The following CHKB variants were observed in gnomAD, a reference collection of about 807,000 sequenced individuals.
CHKB encodes the protein choline/ethanolamine kinase.
Under a neutral mutation model 57.3 loss-of-function variants are expected in CHKB, and 45 were observed. The observed-to-expected ratio is 0.79, with a 90% confidence interval of 0.62 to 1.01. The LOEUF (loss-of-function observed/expected upper bound fraction) is 1.01, where lower values mean the gene tolerates loss of function less well. CHKB is among the 50% of genes least tolerant of loss of function. The pLI, the probability that CHKB is intolerant of heterozygous loss-of-function variation, is 0.00. For missense variants in CHKB, 517 were observed against 502.8 expected (o/e 1.03, Z -0.27); for synonymous variants, 224 against 201.8 (o/e 1.11, Z -0.93).
At position 50,580,289 on chromosome 22, in the gene CHKB, G is replaced by A. The variant is rs766710559; in HGVS notation, c.737-18C>T. The A allele has an allele frequency of 6.2e-7, 1 of 1,613,976 alleles. No homozygotes were observed. The highest frequency in any genetic ancestry group is 8.5e-7 in the Non-Finnish European group (1 of 1,179,998). On this transcript the variant is annotated intron_variant, in intron 6 of 10. Coordinates refer to ENST00000406938, the MANE Select transcript of CHKB (RefSeq NM_005198.5). ...GATGTTCCCTGGGGGAATGGGGTGAGGTTCTGCTCACTCCAGAGCCCTCTG... is the reference window on the plus strand; with the variant it reads ...GATGTTCCCTGGGGGAATGGGGTGAAGTTCTGCTCACTCCAGAGCCCTCTG...
At chr22:50,580,301 T>C in intron 6 of CHKB, 30 bp from the exon 7 acceptor site, 1 of 1,612,788 alleles carries the variant, frequency 6.2e-7, no homozygotes, top group Non-Finnish European at 8.5e-7. Flanking sequence ...TTCTGCTCAC[T>C]CCAGAGCCCT....
Position 50,580,339 on chromosome 22 carries a change from C to T in CHKB, c.736+19G>A, listed in dbSNP as rs1463630444. ...GGCTCTTCCATCTTGGGTTAGGAGA[C>T]TCAGATGCCTTCTCCTACCTTCCTG... On this transcript the variant is annotated intron_variant, in intron 6 of 10. Coordinates refer to ENST00000406938, the MANE Select transcript of CHKB (RefSeq NM_005198.5). 6.2e-7 allele frequency: 1 copy of T among 1,613,970 alleles called. No homozygotes were observed. The highest frequency in any genetic ancestry group is 1.7e-5 in the Admixed American group (1 of 60,018).
intron 5 of CHKB, 70 bp from the exon 6 acceptor site, chr22:50,580,486 C>T: frequency 1.9e-6 from 3 of 1,608,216 alleles, no homozygotes; most frequent in Non-Finnish European, 2.6e-6. Flanking sequence ...CCCTAACAGG[C>T]CAGGCCCTGA....
Position 50,582,614 on chromosome 22 carries a change from G to C in CHKB, c.168C>G (p.Tyr56Ter), listed in dbSNP as rs764013683. 1 of 1,611,196 alleles carries C rather than the reference G, an allele frequency of 6.2e-7. No homozygotes were observed. Among genetic ancestry groups the C allele is most frequent in the East Asian group, 2.2e-5 (1 of 44,814 alleles). The change falls in exon 1 of 11, where the codon TAC becomes TAG. Residue 56 changes from tyrosine to a stop codon, truncating the protein, a stop_gained. Coordinates refer to ENST00000406938, the MANE Select transcript of CHKB (RefSeq NM_005198.5). LOFTEE classifies it high-confidence loss of function. ...ERRAYQWCRE[Y>*]LGGAWRRVQP... is the part of the protein sequence containing the mutation. The stretch of plus-strand genomic sequence containing the variant: ...GCACTCGGCGCCAGGCCCCGCCCAA[G>C]TACTCCCGGCACCATTGGTAGGCTC...
Position 50,580,028 on chromosome 22 carries a change from C to T in CHKB, c.873G>A (p.Glu291=). Residue 291 remains glutamate, a synonymous_variant, in exon 8 of 11, where the codon GAG becomes GAA. Transcript: ENST00000406938. ...FCEWVYDYTH[E]EWPFYKARPT... Reference sequence around the variant, plus strand: ...GCCTTGCTTTGTAGAAAGGCCATTCCTCGTGAGTATAATCATAAACCCACT... The same window carrying T: ...GCCTTGCTTTGTAGAAAGGCCATTCTTCGTGAGTATAATCATAAACCCACT... 2 of 1,614,024 alleles carry T rather than the reference C, an allele frequency of 1.2e-6. No homozygotes were observed. Among genetic ancestry groups the T allele is most frequent in the South Asian group, 2.2e-5 (2 of 91,078 alleles).
Position 50,579,417 on chromosome 22 carries a change from G to A in CHKB, c.1113+9C>T, listed in dbSNP as rs775915876. On this transcript the variant is annotated intron_variant, in intron 10 of 10. Coordinates refer to ENST00000406938, the MANE Select transcript of CHKB (RefSeq NM_005198.5). ...CCCAGCTAGCATTCCCATCCCCAGG[G>A]TCACTTACCAAGTAACCAAATTCTA... 2 of 1,612,008 alleles carry A rather than the reference G, an allele frequency of 1.2e-6. No individual in the cohort carries two copies. The highest frequency in any genetic ancestry group is 2.2e-5 in the East Asian group (1 of 44,824).
Position 50,582,727 on chromosome 22 carries a change from C to G in CHKB, c.55G>C (p.Ala19Pro), listed in dbSNP as rs1317692402. 1.9e-6 allele frequency: 3 copies of G among 1,604,452 alleles called. No homozygotes were observed. Among genetic ancestry groups the G allele is most frequent in the Non-Finnish European group, 1.7e-6 (2 of 1,176,658 alleles). The part of the protein sequence containing the change: ...AGSGAVGGCL[A>P]KDGLQQSKCP... ...TTAGACTGCTGCAAGCCGTCTTTGG[C>G]CAGGCAGCCGCCAACAGCCCCGCTT... is the stretch of plus-strand genomic sequence containing the variant. Residue 19 changes from alanine to proline, a missense_variant, in exon 1 of 11, where the codon GCC becomes CCC. Physicochemically the swap from Ala to Pro is conservative, Grantham distance 27. Coordinates refer to ENST00000406938, the MANE Select transcript of CHKB (RefSeq NM_005198.5).
intron 3 of CHKB, 32 bp downstream of exon 3, chr22:50,581,716 CT>C: frequency 6.2e-7 from 1 of 1,600,254 alleles, no homozygotes; most frequent in Non-Finnish European, 8.6e-7. Flanking sequence ...GTGGAGGTGC[CT>C]TGGGGAGGAG....
In CHKB at chr22:50,582,357, G is replaced by T. The variant is rs746545584; in HGVS notation, c.225C>A (p.Ser75Arg). 6.4e-7 allele frequency: 1 copy of T among 1,554,382 alleles called. No homozygotes were observed. Among genetic ancestry groups the T allele is most frequent in the Non-Finnish European group, 8.7e-7 (1 of 1,151,648 alleles). ...GGAAGAGCAGGTTGCTGAGGCCTCC[G>T]CTGCAGACCCACACCAGGCGCGCTC... ...QPEELRVYPV[S>R]GGLSNLLFRC... Residue 75 changes from serine to arginine, a missense_variant and splice_region_variant, in exon 2 of 11, where the codon AGC becomes AGA. Ser to Arg is a moderately radical substitution (Grantham distance 110, BLOSUM62 -1). Transcript: ENST00000406938.
chr22:50,581,125 CAG>C (rs1254613641), intron 4 of CHKB, among the ~76,000 whole-genome samples: 1 of 150,756 alleles, frequency 6.6e-6, no homozygotes, highest in South Asian at 2.1e-4. Flanking sequence ...TGTTTTGAGA[CAG>C]AGTCTTGCTC....
intron 1 of CHKB, 70 bp downstream of exon 1, chr22:50,582,487 AT>A (rs1291624350): frequency 6.6e-7 from 1 of 1,512,304 alleles, no homozygotes; most frequent in Non-Finnish European, 8.9e-7. Context: ...AACATGGAGC[AT>A]CCTGAGGGCC....
intron 1 of CHKB, 73 bp downstream of exon 1, chr22:50,582,485 G>T: frequency 6.7e-7 from 1 of 1,501,650 alleles, no homozygotes; most frequent in Non-Finnish European, 9.0e-7. Context: ...AAAACATGGA[G>T]CATCCTGAGG....
In CHKB at chr22:50,579,024, A is replaced by G; in HGVS notation, c.*157T>C. On this transcript the variant is annotated 3_prime_UTR_variant, in exon 11 of 11. Coordinates refer to ENST00000406938, the MANE Select transcript of CHKB (RefSeq NM_005198.5). ...AGCACGGGGCTCTGGCCTGCCAGCC[A>G]TGGGGACCTACTCAAACTCAGGAAC... The G allele has an allele frequency of 1.4e-6, 1 of 726,880 alleles. No individual in the cohort carries two copies. The highest frequency in any genetic ancestry group is 1.5e-5 in the South Asian group (1 of 65,166). The allele number at this position is 726,880 out of a possible 1,614,324, so 45.0% of individuals were successfully genotyped here.
At chr22:50,581,355 A>C (rs1045842695) in intron 4 of CHKB, 65 bp downstream of exon 4, 48 of 1,599,660 alleles carry the variant, frequency 3.0e-5, no homozygotes, top group Non-Finnish European at 4.1e-5. Flanking sequence ...AGAGCCCCCG[A>C]CACATCCGCT....
Position 50,580,180 on chromosome 22 carries a change from C to A in CHKB, c.818+10G>T. On this transcript the variant is annotated intron_variant, in intron 7 of 10. Coordinates refer to ENST00000406938, the MANE Select transcript of CHKB (RefSeq NM_005198.5). ...AACAGATCTATGGGAAGCCATCTTT[C>A]CAGCCTCACCTATAGTTATAACTGC... The A allele has an allele frequency of 6.2e-7, 1 of 1,613,800 alleles. No homozygotes were observed.
chr22:50,580,290 G>A lies in CHKB; in HGVS notation c.737-19C>T. 1.9e-6 allele frequency: 3 copies of A among 1,613,602 alleles called. No homozygotes were observed. The highest frequency in any genetic ancestry group is 2.5e-6 in the Non-Finnish European group (3 of 1,179,666). ...ATGTTCCCTGGGGGAATGGGGTGAG[G>A]TTCTGCTCACTCCAGAGCCCTCTGG... On this transcript the variant is annotated intron_variant, in intron 6 of 10. Transcript: ENST00000406938.
intron 1 of CHKB, 45 bp downstream of exon 1, chr22:50,582,513 T>A: frequency 1.9e-6 from 3 of 1,567,472 alleles, no homozygotes; most frequent in Non-Finnish European, 2.6e-6. Context: ...GGCTGACCCC[T>A]GACCCCGATC....
At position 50,582,799 on chromosome 22, in the gene CHKB, G is replaced by T. The variant is rs764836662; in HGVS notation, c.-18C>A. The T allele has an allele frequency of 1.9e-6, 3 of 1,548,006 alleles. No individual in the cohort carries two copies. Among genetic ancestry groups the T allele is most frequent in the Non-Finnish European group, 1.7e-6 (2 of 1,148,728 alleles). ...GCCGCCATGGCGCGGGCTCGACCGGGCCCCAGGCCAGGCTGCGCTCCGCTC... is the reference window on the plus strand; with the variant it reads ...GCCGCCATGGCGCGGGCTCGACCGGTCCCCAGGCCAGGCTGCGCTCCGCTC... On this transcript the variant is annotated 5_prime_UTR_variant, in exon 1 of 11. Transcript: ENST00000406938.
intron 4 of CHKB, 25 bp from the exon 5 acceptor site, chr22:50,580,685 C>A: frequency 1.9e-6 from 3 of 1,608,462 alleles, no homozygotes; most frequent in Non-Finnish European, 2.6e-6. Context: ...ATAGGATACA[C>A]TGGCTCTGCT....
Sources: allele counts gnomAD v4.1 joint callset (sites outside exome capture counted in the v4.1 genomes callset), GRCh38; gene constraint gnomAD v4.1.1; transcripts MANE v1.5; gene names NCBI Gene and HGNC (gene_info 2026-07-23, HGNC 2026-07-21).